Variants in HERC2 observed in about 807,000 individuals in gnomAD.
The protein encoded by HERC2 is E3 ubiquitin-protein ligase HERC2.
In HERC2, 102 loss-of-function variants were observed where a neutral mutation model predicts 537.7. The ratio of observed to expected loss-of-function variants is 0.19; its 90% confidence interval spans 0.16 to 0.22. HERC2 has a LOEUF of 0.22. Ranked by LOEUF, HERC2 falls within the 10% of genes least tolerant of loss-of-function variation. The pLI is 1.00. For synonymous variants in HERC2, 2,224 were observed against 2,466.2 expected (o/e 0.90, Z 2.91); for missense variants, 4,236 against 6,198.2 (o/e 0.68, Z 10.63).
Position 28,212,447 on chromosome 15 carries a change from G to A in HERC2, c.6923C>T (p.Ala2308Val). ...ATCAAGAAGCACCATGTACTGACCT[G>A]CAAAGGCCTGTTTAGTCGATTTCTT... Reference protein sequence around the residue: ...KIKKSTKQAFAGQVDLDLLRC... With the variant: ...KIKKSTKQAFVGQVDLDLLRC... The change falls in exon 43 of 93, where the codon GCA (alanine) becomes GTA (valine). Residue 2308 changes from alanine (A) to valine (V), a missense_variant and splice_region_variant. Transcript: ENST00000261609. The A allele has an allele frequency of 6.2e-7, 1 of 1,610,758 alleles. No homozygotes were observed. The highest frequency in any genetic ancestry group is 1.1e-5 in the South Asian group (1 of 90,806).
intron 2 of HERC2, among the ~76,000 whole-genome samples, chr15:28,309,887 C>T: frequency 6.6e-6 from 1 of 152,370 alleles, no homozygotes; most frequent in East Asian, 1.9e-4. Flanking sequence ...AGCTTTCTCT[C>T]AGCACTCTTA....
At chr15:28,241,674 G>A (rs555691109) in intron 23 of HERC2, among the ~76,000 whole-genome samples, 2 of 152,222 alleles carry the variant, frequency 1.3e-5, no homozygotes, top group South Asian at 4.2e-4. Context: ...CAAAAAATTA[G>A]CTGGGCATGG....
intron 69 of HERC2, among the ~76,000 whole-genome samples, chr15:28,160,647 T>C (rs1318320448): frequency 6.6e-6 from 1 of 152,256 alleles, no homozygotes; most frequent in Non-Finnish European, 1.5e-5. Flanking sequence ...TTTGCTTGGC[T>C]AGGAAAGGGA....
Position 28,111,786 on chromosome 15 carries a change from G to A in HERC2, c.14482C>T (p.Gln4828Ter). ...DVDSFASDST[Q>*]DYLTGH ...TCTTAGTGTCCTGTTAAATAATCTT[G>A]TGTAGAGTCCGAAGCAAAGGAGTCG... The change falls in exon 93 of 93, where the codon CAA becomes TAA. Residue 4828 changes from glutamine (Q) to a stop codon, truncating the protein, a stop_gained. Coordinates refer to ENST00000261609, the MANE Select transcript of HERC2 (RefSeq NM_004667.6). LOFTEE classifies it high-confidence loss of function. 1 of 1,614,220 alleles carries A rather than the reference G, an allele frequency of 6.2e-7. No homozygotes were observed. Among genetic ancestry groups the A allele is most frequent in the East Asian group, 2.2e-5 (1 of 44,886 alleles).
intron 53 of HERC2, among the ~76,000 whole-genome samples, 178 bp from the exon 54 acceptor site, chr15:28,191,422 T>C (rs761896858): frequency 5.9e-5 from 9 of 152,204 alleles, no homozygotes; most frequent in Non-Finnish European, 1.5e-5. Flanking sequence ...CATTCTTTGA[T>C]TGTTAGAGAA....
At chr15:28,237,264 C>G (rs1239738097) in intron 25 of HERC2, 151 bp from the exon 26 acceptor site, 1 of 637,210 alleles carries the variant, frequency 1.6e-6, no homozygotes, top group Non-Finnish European at 2.8e-6. Flanking sequence ...TGAGTTGATG[C>G]TGCTGTGCCC....
chr15:28,187,688 C>T (rs536724214), intron 55 of HERC2, among the ~76,000 whole-genome samples: 1 of 152,296 alleles, frequency 6.6e-6, no homozygotes, highest in South Asian at 2.1e-4. Context: ...ATAGCACAAA[C>T]AATAACTCCC....
intron 2 of HERC2, among the ~76,000 whole-genome samples, chr15:28,320,927 G>T (rs1311532265): frequency 6.6e-6 from 1 of 151,924 alleles, no homozygotes; most frequent in Admixed American, 6.6e-5. Flanking sequence ...TGTCTCTCCA[G>T]AAACACAAAC....
Position 28,113,399 on chromosome 15 carries a change from G to A in HERC2, c.14020-116C>T. 2 of 1,208,962 alleles carry A rather than the reference G, an allele frequency of 1.7e-6. No homozygotes were observed. The allele number at this position is 1,208,962 out of a possible 1,614,324, so 74.9% of individuals were successfully genotyped here. A position where few individuals can be genotyped will look rare whatever the true frequency, so the allele number is the denominator to read the frequency against. ...TGTTTGGGGTGGGGAAAGGTCTGGG[G>A]GCTCTGGGTGGGCCCACACACAGCC... On this transcript the variant is annotated intron_variant, in intron 91 of 92. Coordinates refer to ENST00000261609, the MANE Select transcript of HERC2 (RefSeq NM_004667.6). This position sits in a 1 kb window ranked among gnomAD's most constrained non-coding sequence, Gnocchi z 7.0.
At position 28,176,618 on chromosome 15, in the gene HERC2, T is replaced by TA; in HGVS notation, c.9515-20dup. The TA allele has an allele frequency of 6.2e-7, 1 of 1,613,948 alleles. No homozygotes were observed. Among genetic ancestry groups the TA allele is most frequent in the African/African-American group, 1.3e-5 (1 of 74,988 alleles). ...ACCAAACCTAGGTTTAAGAAACACA[T>TA]ATACTTCAGGCCAGCGTTTCATATC... is the stretch of plus-strand genomic sequence containing the variant. On this transcript the variant is annotated intron_variant, in intron 62 of 92. Coordinates refer to ENST00000261609, the MANE Select transcript of HERC2 (RefSeq NM_004667.6). The surrounding 1 kb of genome is among the most constrained non-coding windows in gnomAD (Gnocchi z 5.0).
intron 70 of HERC2, among the ~76,000 whole-genome samples, chr15:28,151,544 A>G (rs1243609342): frequency 6.6e-6 from 1 of 152,128 alleles, no homozygotes; most frequent in Admixed American, 6.5e-5. Context: ...TATGAACTCA[A>G]AAGAATCCAG....
intron 2 of HERC2, among the ~76,000 whole-genome samples, chr15:28,305,838 A>G (rs1289298335): frequency 6.6e-6 from 1 of 151,158 alleles, no homozygotes; most frequent in Non-Finnish European, 1.5e-5. Flanking sequence ...ACAAGAAAAA[A>G]ACAAACAACC....
At chr15:28,248,812 T>C (rs899703895) in intron 20 of HERC2, 76 bp from the exon 21 acceptor site, 3 of 1,166,504 alleles carry the variant, frequency 2.6e-6, no homozygotes, top group African/African-American at 1.5e-5. Flanking sequence ...GGGTAAATCA[T>C]GACAAATTAA....
At chr15:28,301,880 A>T (rs2076647356) in intron 2 of HERC2, among the ~76,000 whole-genome samples, 1 of 148,152 alleles carries the variant, frequency 6.7e-6, no homozygotes, top group Non-Finnish European at 1.5e-5. Context: ...GCTCACTGCA[A>T]CCTTTGCCTT....
intron 4 of HERC2, among the ~76,000 whole-genome samples, chr15:28,292,304 T>A (rs936470917): frequency 6.7e-6 from 1 of 148,874 alleles, no homozygotes; most frequent in Non-Finnish European, 1.5e-5. Flanking sequence ...ATACAAATGG[T>A]CAATAAGCAT....
chr15:28,280,138 C>T lies in HERC2; in HGVS notation c.472G>A (p.Val158Ile), dbSNP rs1342489889. 1.9e-6 allele frequency: 3 copies of T among 1,614,000 alleles called. No homozygotes were observed. Among genetic ancestry groups the T allele is most frequent in the Admixed American group, 1.7e-5 (1 of 59,976 alleles). The change falls in exon 5 of 93, where the codon GTT becomes ATT. Residue 158 changes from valine to isoleucine, a missense_variant. This residue lies in a region of HERC2 where 491 missense variants were observed against 559.3 expected (regional missense o/e 0.88). Coordinates refer to ENST00000261609, the MANE Select transcript of HERC2 (RefSeq NM_004667.6). ...ERYFIALNRTVFQENVKVKWK... is the reference protein window; with the variant it reads ...ERYFIALNRTIFQENVKVKWK... ...TTAACTTTGACATTCTCCTGAAAAACGGTTCTATTCAAGGCAATGAAATAG... is the reference window on the plus strand; with the variant it reads ...TTAACTTTGACATTCTCCTGAAAAATGGTTCTATTCAAGGCAATGAAATAG...
chr15:28,118,284 G>A (rs567217674), intron 86 of HERC2: 3 of 153,310 alleles, frequency 2.0e-5, no homozygotes, highest in East Asian at 1.9e-4. Flanking sequence ...CCAGCTCCCC[G>A]AAGCCCACGG....
intron 2 of HERC2, among the ~76,000 whole-genome samples, chr15:28,315,400 A>G (rs1271600819): frequency 3.3e-5 from 5 of 152,264 alleles, no homozygotes; most frequent in Admixed American, 6.5e-5. Context: ...GCATGAGTCA[A>G]CCAAGAGGGA....
chr15:28,119,399 CAAAAAAAAAAAAAAAAAAAA>C (rs201078187), intron 86 of HERC2, among the ~76,000 whole-genome samples: 1 of 133,926 alleles, frequency 7.5e-6, no homozygotes, highest in African/African-American at 3.5e-5. Flanking sequence ...GACTCCCTCT[CAAAAAAAAAAAAAAAAAAAA>C]AAAAAAAAAA....
Sources: gnomAD v4.1 joint callset for allele counts (sites outside exome capture counted in the v4.1 genomes callset) on GRCh38, gnomAD v4.1.1 for gene constraint, gnomAD v4.1.1 regional missense constraint, Gnocchi (gnomAD v3.1) non-coding constraint, MANE v1.5 for transcripts, NCBI Gene and HGNC (gene_info 2026-07-23, HGNC 2026-07-21) for gene names.